EIF4G3: variants seen among roughly 807,000 people sequenced by gnomAD.
EIF4G3 encodes the protein eukaryotic translation initiation factor 4 gamma 3, also known as eIF-4-gamma 3.
A neutral mutation model predicts 186.4 loss-of-function variants in EIF4G3; 34 were observed. The observed-to-expected ratio is 0.18, with a 90% confidence interval of 0.14 to 0.24. The LOEUF (loss-of-function observed/expected upper bound fraction) is 0.24, where lower values mean the gene tolerates loss of function less well. Ranked by LOEUF, EIF4G3 falls within the 10% of genes least tolerant of loss-of-function variation. The pLI, the probability that EIF4G3 is intolerant of heterozygous loss-of-function variation, is 1.00. For missense variants in EIF4G3, 1,536 were observed against 1,948.5 expected (o/e 0.79, Z 3.99); for synonymous variants, 673 against 679.5 (o/e 0.99, Z 0.15).
intron 2 of EIF4G3, among the ~76,000 whole-genome samples, chr1:21,125,771 T>TACAC (rs59291288): frequency 0.022 from 3,247 of 146,132 alleles, 99 homozygotes; most frequent in African/African-American, 0.075. Context: ...TATATATATA[T>TACAC]ACACACACAC....
intron 3 of EIF4G3, among the ~76,000 whole-genome samples, chr1:21,056,798 G>C (rs764491566): frequency 5.3e-5 from 8 of 152,108 alleles, no homozygotes; most frequent in African/African-American, 1.9e-4. Flanking sequence ...AATTATGAAG[G>C]CTGGGAGGGA....
intron 2 of EIF4G3, among the ~76,000 whole-genome samples, chr1:21,113,510 T>C (rs1261698124): frequency 1.3e-5 from 2 of 152,186 alleles, no homozygotes; most frequent in African/African-American, 2.4e-5. Context: ...CAATGAGTGA[T>C]AGTTTTTAAA....
intron 14 of EIF4G3, among the ~76,000 whole-genome samples, chr1:20,907,235 C>T (rs919178198): frequency 6.6e-6 from 1 of 152,078 alleles, no homozygotes; most frequent in Non-Finnish European, 1.5e-5. Context: ...ACAGGACAAG[C>T]GACAGTCTCT....
At chr1:21,110,770 T>TTGGCCAGGCTGGTCTCAAACTCCTGAC in intron 2 of EIF4G3, among the ~76,000 whole-genome samples, 1 of 152,146 alleles carries the variant, frequency 6.6e-6, no homozygotes, top group Non-Finnish European at 1.5e-5. Flanking sequence ...TTTCACCATG[T>TTGGCCAGGCTGGTCTCAAACTCCTGAC]TGGCCAGGCT....
chr1:21,056,919 T>C (rs1039787311), intron 3 of EIF4G3, among the ~76,000 whole-genome samples: 1 of 152,240 alleles, frequency 6.6e-6, no homozygotes, highest in Non-Finnish European at 1.5e-5. Flanking sequence ...CAACCATTTC[T>C]TGTAGTGCAA....
intron 34 of EIF4G3, among the ~76,000 whole-genome samples, chr1:20,817,123 T>G: frequency 7.2e-6 from 1 of 139,510 alleles, no homozygotes; most frequent in Non-Finnish European, 1.6e-5. Context: ...CGCAGGGTCC[T>G]CTGCCTAGGA....
intron 14 of EIF4G3, among the ~76,000 whole-genome samples, chr1:20,939,782 C>G (rs952456356): frequency 1.3e-5 from 2 of 151,296 alleles, no homozygotes; most frequent in Non-Finnish European, 2.9e-5. Context: ...AATTACTGTT[C>G]TCCAACAAAC....
intron 2 of EIF4G3, among the ~76,000 whole-genome samples, chr1:21,109,163 A>G (rs2102084230): frequency 6.6e-6 from 1 of 152,294 alleles, no homozygotes; most frequent in East Asian, 1.9e-4. Context: ...GGTTGCAGTG[A>G]GCTGAGATCA....
intron 29 of EIF4G3, among the ~76,000 whole-genome samples, chr1:20,843,084 T>C (rs996067811): frequency 5.9e-5 from 9 of 152,014 alleles, no homozygotes; most frequent in Admixed American, 3.9e-4. Context: ...AGTGATCCTC[T>C]AGCCTTAGCC....
At chr1:20,843,183 G>T (rs1165009781) in intron 29 of EIF4G3, among the ~76,000 whole-genome samples, 2 of 150,602 alleles carry the variant, frequency 1.3e-5, no homozygotes, top group Non-Finnish European at 3.0e-5. Flanking sequence ...CAACATCATT[G>T]TTATGCCTTT....
chr1:21,130,821 G>T (rs1023328307), intron 2 of EIF4G3, among the ~76,000 whole-genome samples: 1 of 152,146 alleles, frequency 6.6e-6, no homozygotes, highest in African/African-American at 2.4e-5. Flanking sequence ...TACATGAATA[G>T]ATGGGTAATT....
At chr1:20,973,131 C>A in intron 10 of EIF4G3, 32 bp from the exon 11 acceptor site, 1 of 1,528,952 alleles carries the variant, frequency 6.5e-7, no homozygotes, top group South Asian at 1.1e-5. Context: ...AATAGGCATT[C>A]AGTTATTTTG....
At chr1:20,841,125 T>A in intron 29 of EIF4G3, 97 bp from the exon 30 acceptor site, 2 of 1,252,726 alleles carry the variant, frequency 1.6e-6, no homozygotes, top group Non-Finnish European at 2.2e-6. Flanking sequence ...ACAGAATCAG[T>A]AGAAACTTCC....
At chr1:21,029,395 G>GC (rs1208944845) in intron 4 of EIF4G3, among the ~76,000 whole-genome samples, 1 of 151,864 alleles carries the variant, frequency 6.6e-6, no homozygotes, top group Non-Finnish European at 1.5e-5. Flanking sequence ...CATCCTGGGA[G>GC]CAAGAACAGA....
At chr1:20,825,250 A>AG (rs2063320061) in intron 32 of EIF4G3, 52 bp from the exon 33 acceptor site, 3 of 772,938 alleles carry the variant, frequency 3.9e-6, no homozygotes, top group Middle Eastern at 2.5e-4. Context: ...AAGAAGAAAC[A>AG]GAAAAAAAAA....
chr1:21,027,232 G>A lies in EIF4G3; in HGVS notation c.-67+23634C>T, dbSNP rs574027589. Among the ~76,000 whole-genome samples, 22 of 136,176 alleles carry A rather than the reference G, an allele frequency of 1.6e-4. No individual in the cohort carries two copies. The South Asian group carries it at 2.3e-3, about 14-fold the overall frequency. 89.3% of individuals were successfully genotyped at this position (136,176 alleles called of 152,430 possible). A position where few individuals can be genotyped will look rare whatever the true frequency, so the allele number is the denominator to read the frequency against. The stretch of plus-strand genomic sequence containing the variant: ...TTTTGAGACAGAGTCTCGCTCTGTC[G>A]CCCAGGCTGGAGTGCAGTGGCAAGA... On this transcript the variant is annotated intron_variant, in intron 4 of 36. Transcript: ENST00000602326.
intron 4 of EIF4G3, among the ~76,000 whole-genome samples, chr1:21,004,583 C>T (rs1209073464): frequency 6.6e-6 from 1 of 152,110 alleles, no homozygotes; most frequent in African/African-American, 2.4e-5. Flanking sequence ...ATTCCCAAAT[C>T]ACCTTTATTT....
intron 7 of EIF4G3, among the ~76,000 whole-genome samples, chr1:20,995,551 T>C (rs1202981698): frequency 2.6e-5 from 4 of 152,104 alleles, no homozygotes; most frequent in African/African-American, 9.7e-5. Context: ...TTTGCATTTT[T>C]AGTAGAGACG....
chr1:20,935,631 G>A (rs1260187762), intron 14 of EIF4G3, among the ~76,000 whole-genome samples: 1 of 152,176 alleles, frequency 6.6e-6, no homozygotes, highest in African/African-American at 2.4e-5. Context: ...CACATAATGT[G>A]TAATGACCAA....
Sources: gnomAD v4.1 joint callset for allele counts (sites outside exome capture counted in the v4.1 genomes callset) on GRCh38, gnomAD v4.1.1 for gene constraint, MANE v1.5 for transcripts, NCBI Gene and HGNC (gene_info 2026-07-23, HGNC 2026-07-21) for gene names.